The following ESRRG variants were observed in gnomAD, a reference collection of about 807,000 sequenced individuals.
The protein encoded by ESRRG is estrogen-related receptor gamma.
A neutral mutation model predicts 44.0 loss-of-function variants in ESRRG; 13 were observed. That is an observed-to-expected ratio of 0.30 (90% CI 0.19 to 0.47). ESRRG has a LOEUF of 0.47. Among genes scored for constraint, ESRRG ranks in the 20% least tolerant of loss-of-function variants. The pLI is 1.00. For synonymous variants in ESRRG, 215 were observed against 214.6 expected (o/e 1.00, Z -0.02); for missense variants, 395 against 580.6 (o/e 0.68, Z 3.29).
intron 2 of ESRRG, among the ~76,000 whole-genome samples, chr1:216,859,690 T>C (rs2096015289): frequency 6.6e-6 from 1 of 152,072 alleles, no homozygotes; most frequent in South Asian, 2.1e-4. Context: ...AAATGGTAAA[T>C]AATTAGCTGT....
rs146758570 is a variant in ESRRG, at chr1:216,926,280, A to G, written c.-14+13302T>C. 5.3e-5 allele frequency among the ~76,000 whole-genome samples: 8 copies of G among 152,318 alleles called. No individual in the cohort carries two copies. The East Asian group carries it at 1.4e-3, about 26-fold the overall frequency. On this transcript the variant is annotated intron_variant, in intron 2 of 7. Coordinates refer to the ESRRG transcript ENST00000359162. ...GCTCTAAGGGACACACCACACTCTCATAACTGAGTAAAAAATTAAATCCAG... is the reference window on the plus strand; with the variant it reads ...GCTCTAAGGGACACACCACACTCTCGTAACTGAGTAAAAAATTAAATCCAG...
intron 1 of ESRRG, among the ~76,000 whole-genome samples, chr1:217,109,382 C>T (rs1159408200): frequency 6.6e-6 from 1 of 152,088 alleles, no homozygotes; most frequent in Non-Finnish European, 1.5e-5. Context: ...CACCCACAGA[C>T]CCAGATCCAG....
intron 3 of ESRRG, among the ~76,000 whole-genome samples, chr1:216,608,393 A>T (rs1401242831): frequency 6.6e-6 from 1 of 152,196 alleles, no homozygotes; most frequent in Non-Finnish European, 1.5e-5. Context: ...ATTCATTTCA[A>T]TCTTCTTTCT....
chr1:217,007,847 A>G (rs996840366), intron 1 of ESRRG, among the ~76,000 whole-genome samples: 6 of 138,820 alleles, frequency 4.3e-5, no homozygotes, highest in African/African-American at 1.3e-4. Context: ...ATAAGGGGGG[A>G]AAAATCCCAA....
chr1:216,638,989 ATTGATAATAACCTAAGAC>A (rs1459906506), intron 3 of ESRRG, among the ~76,000 whole-genome samples: 1 of 152,186 alleles, frequency 6.6e-6, no homozygotes. Flanking sequence ...TTACGTATGA[ATTGATAATAACCTAAGAC>A]TGGCTAAGGT....
At chr1:216,598,451 T>C (rs919963440) in intron 3 of ESRRG, among the ~76,000 whole-genome samples, 4 of 152,176 alleles carry the variant, frequency 2.6e-5, no homozygotes, top group Admixed American at 2.6e-4. Context: ...AAGAAATTGT[T>C]CATATGGAAC....
intron 1 of ESRRG, among the ~76,000 whole-genome samples, chr1:216,964,204 T>TCAGAG (rs2069746903): frequency 6.6e-6 from 1 of 152,118 alleles, no homozygotes; most frequent in Non-Finnish European, 1.5e-5. Flanking sequence ...GTCTTTATCC[T>TCAGAG]CAGAGCAAAG....
chr1:216,898,287 T>G (rs954105461), intron 2 of ESRRG, among the ~76,000 whole-genome samples: 4 of 152,158 alleles, frequency 2.6e-5, no homozygotes, highest in African/African-American at 9.7e-5. Flanking sequence ...GGGACTCATT[T>G]CATATACCAT....
chr1:216,931,045 C>T (rs987044064), intron 2 of ESRRG, among the ~76,000 whole-genome samples: 7 of 152,052 alleles, frequency 4.6e-5, no homozygotes, highest in Admixed American at 1.3e-4. Context: ...GCATGTTAAG[C>T]GATATTATTC....
chr1:216,617,428 C>A (rs139504974), intron 3 of ESRRG, among the ~76,000 whole-genome samples: 1 of 151,744 alleles, frequency 6.6e-6, no homozygotes, highest in Non-Finnish European at 1.5e-5. Flanking sequence ...GTATCATGAG[C>A]TGCTTTGTTT....
chr1:216,742,853 A>G (rs975827448), intron 2 of ESRRG, among the ~76,000 whole-genome samples: 1 of 151,338 alleles, frequency 6.6e-6, no homozygotes, highest in South Asian at 2.1e-4. Context: ...ACTCTCCCAG[A>G]CAATTAAAAA....
intron 2 of ESRRG, among the ~76,000 whole-genome samples, chr1:216,674,485 T>A (rs1470671408): frequency 1.3e-5 from 2 of 152,214 alleles, no homozygotes; most frequent in Non-Finnish European, 2.9e-5. Flanking sequence ...AGGACATTCA[T>A]ATGTACTGCA....
intron 1 of ESRRG, among the ~76,000 whole-genome samples, chr1:216,987,769 A>C (rs1478792134): frequency 2.0e-5 from 3 of 152,104 alleles, no homozygotes; most frequent in Non-Finnish European, 4.4e-5. Context: ...TTTTTGCTCA[A>C]AGGCATTCTC....
chr1:216,916,962 C>T (rs1408412879), intron 2 of ESRRG, among the ~76,000 whole-genome samples: 3 of 140,050 alleles, frequency 2.1e-5, no homozygotes, highest in Non-Finnish European at 4.5e-5. Flanking sequence ...ATAATCTGGG[C>T]GGGGCTCAGT....
At chr1:216,690,999 A>T (rs1249123638) in intron 1 of ESRRG, among the ~76,000 whole-genome samples, 1 of 152,188 alleles carries the variant, frequency 6.6e-6, no homozygotes, top group Non-Finnish European at 1.5e-5. Flanking sequence ...ATTTTGGAAG[A>T]AAAGAAAGCT....
chr1:217,004,419 A>C (rs1318205299), intron 1 of ESRRG, among the ~76,000 whole-genome samples: 1 of 152,162 alleles, frequency 6.6e-6, no homozygotes, highest in African/African-American at 2.4e-5. Context: ...GTTCCCCTGC[A>C]CAAGCTCTTT....
At chr1:217,006,779 G>T (rs1362398206) in intron 1 of ESRRG, among the ~76,000 whole-genome samples, 3 of 152,036 alleles carry the variant, frequency 2.0e-5, no homozygotes, top group African/African-American at 7.2e-5. Context: ...CATGAGGTCA[G>T]GTGTAAATTT....
chr1:216,976,286 A>ATGTGTGTGTGTGTG (rs61142800), intron 1 of ESRRG, among the ~76,000 whole-genome samples: 15 of 146,984 alleles, frequency 1.0e-4, no homozygotes, highest in Middle Eastern at 7.1e-3. Context: ...ATGCTCCTAA[A>ATGTGTGTGTGTGTG]TGTGTGTGTG....
intron 3 of ESRRG, among the ~76,000 whole-genome samples, chr1:216,646,880 G>A (rs182962018): frequency 7.9e-5 from 12 of 152,260 alleles, no homozygotes; most frequent in Middle Eastern, 3.4e-3. Context: ...TATAATGTGC[G>A]TGAATGTGAG....
Sources: allele counts gnomAD v4.1 joint callset (sites outside exome capture counted in the v4.1 genomes callset), GRCh38; gene constraint gnomAD v4.1.1; transcripts MANE v1.5; gene names NCBI Gene and HGNC (gene_info 2026-07-23, HGNC 2026-07-21).